The following LRRTM4 variants were observed in gnomAD, a reference collection of about 807,000 sequenced individuals.
LRRTM4 encodes the protein leucine rich repeat transmembrane neuronal 4.
In LRRTM4, 25 loss-of-function variants were observed where a neutral mutation model predicts 47.6. The observed-to-expected ratio is 0.53, with a 90% CI of 0.38 to 0.73. The LOEUF is 0.73. Ranked by LOEUF, LRRTM4 falls within the 30% of genes least tolerant of loss-of-function variation. The pLI is 0.00. For missense variants in LRRTM4, 638 were observed against 713.4 expected (o/e 0.89, Z 1.20); for synonymous variants, 311 against 269.5 (o/e 1.15, Z -1.51).
intron 3 of LRRTM4, among the ~76,000 whole-genome samples, chr2:77,302,479 G>A (rs1677156659): frequency 6.6e-6 from 1 of 152,078 alleles, no homozygotes; most frequent in African/African-American, 2.4e-5. Flanking sequence ...TCAAAGGCAT[G>A]GAATATAATG....
chr2:77,490,771 T>C (rs1021682511), intron 3 of LRRTM4, among the ~76,000 whole-genome samples: 3 of 152,324 alleles, frequency 2.0e-5, no homozygotes, highest in African/African-American at 7.2e-5. Flanking sequence ...ACAAGCTCGA[T>C]GCTGGACACA....
At chr2:77,466,306 C>A (rs970913251) in intron 3 of LRRTM4, among the ~76,000 whole-genome samples, 1 of 151,856 alleles carries the variant, frequency 6.6e-6, no homozygotes, top group African/African-American at 2.4e-5. Flanking sequence ...CAGGGGAGTC[C>A]GAATTAAATC....
chr2:77,264,234 G>A (rs1675992343), intron 3 of LRRTM4, among the ~76,000 whole-genome samples: 1 of 152,000 alleles, frequency 6.6e-6, no homozygotes, highest in African/African-American at 2.4e-5. Context: ...TCTCCTCCTG[G>A]CTTGTAGGTG....
chr2:77,072,618 C>T (rs984325164), intron 3 of LRRTM4, among the ~76,000 whole-genome samples: 6 of 151,568 alleles, frequency 4.0e-5, no homozygotes, highest in South Asian at 4.2e-4. Context: ...GCCAACATGA[C>T]GAAATCCCGT....
Position 77,181,646 on chromosome 2 carries a change from T to G in LRRTM4, c.1551+336672A>C, listed in dbSNP as rs555749715. Among the ~76,000 whole-genome samples the G allele has an allele frequency of 2.6e-5, 4 of 151,972 alleles. No homozygotes were observed. The East Asian group carries it at 7.8e-4, about 29-fold the overall frequency. On this transcript the variant is annotated intron_variant, in intron 3 of 3. Coordinates refer to ENST00000409884, the MANE Select transcript of LRRTM4 (RefSeq NM_001134745.3). The stretch of plus-strand genomic sequence containing the variant: ...AAGTGGTAATTTAAACACAAGCAAA[T>G]AAAATTGAATAAGAACAGATTGATA...
intron 3 of LRRTM4, among the ~76,000 whole-genome samples, chr2:76,807,489 T>TATATATATATATATATATATACAC (rs1670558229): frequency 7.3e-6 from 1 of 137,464 alleles, no homozygotes; most frequent in Non-Finnish European, 1.6e-5. Flanking sequence ...TATATATACA[T>TATATATATATATATATATATACAC]ATATATATAT....
rs1019451337 is a variant in LRRTM4 at position 76,899,478 on chromosome 2, T to C, written c.1552-150562A>G. On this transcript the variant is annotated intron_variant, in intron 3 of 3. Transcript: ENST00000409884. The stretch of plus-strand genomic sequence containing the variant: ...GTTAAGCTTTATGGAGAAGGTGATA[T>C]TTGAACAAAGAATAGAAAGAGGTGA... Among the ~76,000 whole-genome samples, 3 of 151,982 alleles carry C rather than the reference T, an allele frequency of 2.0e-5. No homozygotes were observed. The East Asian group carries it at 5.8e-4, about 29-fold the overall frequency.
At chr2:76,864,114 T>C (rs1672397841) in intron 3 of LRRTM4, among the ~76,000 whole-genome samples, 1 of 152,188 alleles carries the variant, frequency 6.6e-6, no homozygotes, top group Non-Finnish European at 1.5e-5. Context: ...AGAAGAAAAG[T>C]CTTGGGGAAA....
At chr2:77,331,150 C>T (rs936370804) in intron 3 of LRRTM4, among the ~76,000 whole-genome samples, 3 of 152,012 alleles carry the variant, frequency 2.0e-5, no homozygotes, top group Admixed American at 1.3e-4. Context: ...ATATTCTTAT[C>T]TTGTTTCTTC....
rs182410848 is a variant in LRRTM4 at position 77,056,251 on chromosome 2, G to A, written c.1552-307335C>T. ...ATGAAAAAATAAGGCAGTTTAGAGA[G>A]ACCAATAAATGCATTGAAGAAGATG... On this transcript the variant is annotated intron_variant, in intron 3 of 3. Transcript: ENST00000409884. Among the ~76,000 whole-genome samples, 715 of 149,792 alleles carry A rather than the reference G, an allele frequency of 4.8e-3. 10 individuals are homozygous for A. Among genetic ancestry groups the A allele is most frequent in the African/African-American group, 0.017 (691 of 40,978 alleles).
At chr2:76,919,357 A>T (rs72921669) in intron 3 of LRRTM4, among the ~76,000 whole-genome samples, 3,595 of 152,294 alleles carry the variant, frequency 0.024, 144 homozygotes, top group African/African-American at 0.075. Context: ...CAGAAATGTG[A>T]AACAACACAA....
At chr2:76,798,904 G>A (rs1422122345) in intron 3 of LRRTM4, among the ~76,000 whole-genome samples, 2 of 152,104 alleles carry the variant, frequency 1.3e-5, no homozygotes, top group Non-Finnish European at 2.9e-5. Context: ...AAACCAGGAA[G>A]AAGTTGAATC....
intron 3 of LRRTM4, among the ~76,000 whole-genome samples, chr2:77,137,184 A>G (rs965627259): frequency 6.6e-6 from 1 of 151,862 alleles, no homozygotes; most frequent in East Asian, 1.9e-4. Flanking sequence ...TCAATTCACC[A>G]AAGATGAAAT....
chr2:76,807,437 CGTATATACATATATATATAT>C lies in LRRTM4; in HGVS notation c.1552-58541_1552-58522del, dbSNP rs1670538550. Among the ~76,000 whole-genome samples the C allele has an allele frequency of 2.3e-4, 8 of 34,284 alleles. No homozygotes were observed. In the South Asian group the frequency reaches 7.7e-3, roughly 33 times the overall value. 22.5% of individuals were successfully genotyped at this position (34,284 alleles called of 152,430 possible). On this transcript the variant is annotated intron_variant, in intron 3 of 3. Coordinates refer to ENST00000409884, the MANE Select transcript of LRRTM4 (RefSeq NM_001134745.3). ...ATATATATATATACATATATATATACGTATATACATATATATATATACATATATATATACATATATATATA... is the reference window on the plus strand; with the variant it reads ...ATATATATATATACATATATATATACACATATATATATACATATATATATA...
intron 3 of LRRTM4, among the ~76,000 whole-genome samples, chr2:77,309,671 G>A (rs774732420): frequency 5.6e-5 from 8 of 141,742 alleles, no homozygotes; most frequent in Non-Finnish European, 1.2e-4. Flanking sequence ...AGTTTAGATA[G>A]ATAGACAGAT....
intron 3 of LRRTM4, among the ~76,000 whole-genome samples, chr2:77,398,058 T>C (rs982181522): frequency 2.6e-5 from 4 of 151,878 alleles, no homozygotes; most frequent in African/African-American, 9.7e-5. Context: ...CTGACTAGCC[T>C]GACCCAAAAG....
chr2:77,280,122 A>G (rs192491101), intron 3 of LRRTM4, among the ~76,000 whole-genome samples: 152 of 152,130 alleles, frequency 1.0e-3, no homozygotes, highest in Non-Finnish European at 1.6e-3. Flanking sequence ...ATAATCACAT[A>G]TGGGAACAGA....
intron 3 of LRRTM4, among the ~76,000 whole-genome samples, chr2:77,018,116 T>C (rs1678135548): frequency 6.6e-6 from 1 of 151,986 alleles, no homozygotes; most frequent in South Asian, 2.1e-4. Context: ...TTTTTCCTTT[T>C]GATGTTTTTG....
intron 3 of LRRTM4, among the ~76,000 whole-genome samples, chr2:77,028,375 A>G (rs1464872575): frequency 6.6e-6 from 1 of 152,184 alleles, no homozygotes; most frequent in Non-Finnish European, 1.5e-5. Context: ...TCCAGGAAAA[A>G]TGTTGAGTTG....
Sources: gnomAD v4.1 joint callset for allele counts (sites outside exome capture counted in the v4.1 genomes callset) on GRCh38, gnomAD v4.1.1 for gene constraint, MANE v1.5 for transcripts, NCBI Gene and HGNC (gene_info 2026-07-23, HGNC 2026-07-21) for gene names.